ZBTB20: variants seen among roughly 807,000 people sequenced by gnomAD.
ZBTB20 encodes zinc finger and BTB domain containing 20.
A neutral mutation model predicts 56.9 loss-of-function variants in ZBTB20; 9 were observed. That is an observed-to-expected ratio of 0.16 (90% confidence interval 0.10 to 0.28). ZBTB20 has a LOEUF of 0.28. Ranked by LOEUF, ZBTB20 falls within the 10% of genes least tolerant of loss-of-function variation. The pLI, the probability that ZBTB20 is intolerant of heterozygous loss-of-function variation, is 1.00. For missense variants in ZBTB20, 655 were observed against 1,003.0 expected (o/e 0.65, Z 4.69); for synonymous variants, 417 against 420.7 (o/e 0.99, Z 0.11).
chr3:114,466,231 C>T (rs150857274), intron 7 of ZBTB20, among the ~76,000 whole-genome samples: 7 of 152,216 alleles, frequency 4.6e-5, no homozygotes, highest in Admixed American at 6.5e-5. Flanking sequence ...TAATAGTCAA[C>T]CCTCACTAAC....
chr3:114,841,466 T>C (rs72956295), intron 4 of ZBTB20, among the ~76,000 whole-genome samples: 1,588 of 152,104 alleles, frequency 0.01, 33 homozygotes, highest in African/African-American at 0.036. Flanking sequence ...GCTGGAAGAT[T>C]AATATTAAGG....
chr3:114,399,953 T>C (rs951490777), intron 7 of ZBTB20, among the ~76,000 whole-genome samples: 7 of 152,056 alleles, frequency 4.6e-5, no homozygotes, highest in African/African-American at 1.4e-4. Context: ...ATGAGTTGCA[T>C]AGATGAGGAG....
intron 2 of ZBTB20, among the ~76,000 whole-genome samples, chr3:115,055,296 C>T (rs1313618353): frequency 6.7e-6 from 1 of 149,006 alleles, no homozygotes; most frequent in Non-Finnish European, 1.5e-5. Context: ...ACAGACAGGA[C>T]TTTGTGGTCA....
chr3:114,975,094 G>A (rs564284481), intron 2 of ZBTB20, among the ~76,000 whole-genome samples: 6 of 152,230 alleles, frequency 3.9e-5, no homozygotes, highest in African/African-American at 1.2e-4. Context: ...ACAAATGGAT[G>A]GGTTGCTTTT....
chr3:114,761,695 G>A (rs920014467), intron 5 of ZBTB20, among the ~76,000 whole-genome samples: 2 of 151,852 alleles, frequency 1.3e-5, no homozygotes, highest in Non-Finnish European at 2.9e-5. Context: ...ACTAGATGGG[G>A]TGGTGGCAGA....
chr3:114,980,846 T>C (rs1287071763), intron 2 of ZBTB20, among the ~76,000 whole-genome samples: 16 of 151,968 alleles, frequency 1.1e-4, no homozygotes, highest in Admixed American at 8.5e-4. Context: ...CAAGTAACCA[T>C]TGATTACCTG....
intron 7 of ZBTB20, among the ~76,000 whole-genome samples, chr3:114,407,911 AG>A (rs75178897): frequency 0.21 from 31,080 of 149,118 alleles, 4,244 homozygotes; most frequent in African/African-American, 0.38. Context: ...AACCTATATG[AG>A]GGGGGGGAAA....
chr3:114,392,863 A>G (rs2086004180), intron 7 of ZBTB20, among the ~76,000 whole-genome samples: 1 of 152,204 alleles, frequency 6.6e-6, no homozygotes, highest in South Asian at 2.1e-4. Flanking sequence ...TGAAAAGCCC[A>G]ACAAAACATG....
At chr3:114,943,595 G>A (rs1464915097) in intron 3 of ZBTB20, among the ~76,000 whole-genome samples, 1 of 144,786 alleles carries the variant, frequency 6.9e-6, no homozygotes, top group African/African-American at 2.8e-5. Flanking sequence ...TAACTCAATC[G>A]CAGCCAGTTA....
intron 7 of ZBTB20, among the ~76,000 whole-genome samples, chr3:114,471,862 G>A (rs1239301059): frequency 6.6e-6 from 1 of 152,070 alleles, no homozygotes; most frequent in Non-Finnish European, 1.5e-5. Flanking sequence ...TTACACCTTG[G>A]AGTAAATTAC....
intron 7 of ZBTB20, among the ~76,000 whole-genome samples, chr3:114,443,927 T>C (rs570740748): frequency 6.6e-6 from 1 of 152,226 alleles, no homozygotes; most frequent in African/African-American, 2.4e-5. Context: ...ACATTACAAA[T>C]AAATACATAA....
intron 4 of ZBTB20, among the ~76,000 whole-genome samples, chr3:114,828,138 C>A (rs2073643849): frequency 6.6e-6 from 1 of 151,550 alleles, no homozygotes; most frequent in South Asian, 2.1e-4. Context: ...AATTATTATT[C>A]CATAAGATCT....
intron 10 of ZBTB20, among the ~76,000 whole-genome samples, chr3:114,372,286 A>G (rs575497254): frequency 6.6e-6 from 1 of 152,366 alleles, no homozygotes; most frequent in Admixed American, 6.5e-5. Flanking sequence ...TGAAGAACAG[A>G]ACCGTGAAAA....
At chr3:114,771,654 T>C (rs2069211649) in intron 5 of ZBTB20, among the ~76,000 whole-genome samples, 1 of 152,194 alleles carries the variant, frequency 6.6e-6, no homozygotes, top group African/African-American at 2.4e-5. Context: ...TCTCTCTTAA[T>C]ATTCAAAGCA....
chr3:114,844,101 T>C lies in ZBTB20; in HGVS notation c.-416-42927A>G, dbSNP rs563778992. ...GTGAATGGATAAACAAATTATAGTA[T>C]GTCTATACAGTGGAATACTATGCAG... On this transcript the variant is annotated intron_variant, in intron 4 of 11. Coordinates refer to ENST00000675478, the MANE Select transcript of ZBTB20 (RefSeq NM_001348800.3). Among the ~76,000 whole-genome samples the C allele has an allele frequency of 4.6e-5, 7 of 151,972 alleles. No individual in the cohort carries two copies. In the East Asian group the frequency reaches 1.2e-3, roughly 25 times the overall value.
At chr3:114,646,658 A>C (rs1254297572) in intron 6 of ZBTB20, among the ~76,000 whole-genome samples, 1 of 152,222 alleles carries the variant, frequency 6.6e-6, no homozygotes. Context: ...AATGATGCCA[A>C]TCTAATTTGC....
chr3:114,760,069 A>G (rs1174072383), intron 5 of ZBTB20, among the ~76,000 whole-genome samples: 1 of 152,222 alleles, frequency 6.6e-6, no homozygotes, highest in Non-Finnish European at 1.5e-5. Context: ...TAGAGCACTA[A>G]GAAACATATT....
intron 7 of ZBTB20, among the ~76,000 whole-genome samples, chr3:114,412,938 T>C (rs1008328584): frequency 6.6e-6 from 1 of 152,142 alleles, no homozygotes; most frequent in Admixed American, 6.5e-5. Flanking sequence ...GTTTCTAAGC[T>C]GAACTTTGGC....
chr3:114,820,702 C>T (rs1201924753), intron 4 of ZBTB20, among the ~76,000 whole-genome samples: 1 of 152,004 alleles, frequency 6.6e-6, no homozygotes, highest in African/African-American at 2.4e-5. Flanking sequence ...TGTGAATCTC[C>T]ATACTTTTGT....
Sources: allele counts gnomAD v4.1 joint callset (sites outside exome capture counted in the v4.1 genomes callset), GRCh38; gene constraint gnomAD v4.1.1; transcripts MANE v1.5; gene names NCBI Gene and HGNC (gene_info 2026-07-23, HGNC 2026-07-21).